Variants in RNF19A observed in about 807,000 individuals in gnomAD.
RNF19A encodes ring finger protein 19A, RBR E3 ubiquitin protein ligase.
In RNF19A, 32 loss-of-function variants were observed where a neutral mutation model predicts 75.7. The ratio of observed to expected loss-of-function variants is 0.42; its 90% confidence interval spans 0.32 to 0.57. The LOEUF (loss-of-function observed/expected upper bound fraction) is 0.57, where lower values mean the gene tolerates loss of function less well. RNF19A is among the 20% of genes least tolerant of loss of function. The pLI is 0.10. For synonymous variants in RNF19A, 335 were observed against 345.2 expected, an observed-to-expected ratio of 0.97 and a Z score of 0.33; for missense variants, 782 against 1,036.3, an observed-to-expected ratio of 0.75 and a Z score of 3.37.
At chr8:100,319,309 T>C (rs535546886) in intron 1 of RNF19A, among the ~76,000 whole-genome samples, 1 of 134,040 alleles carries the variant, frequency 7.5e-6, no homozygotes, top group Non-Finnish European at 1.7e-5. Context: ...TGAAAGTTTT[T>C]TTCTTTTTTA....
rs1221912550 is a variant in RNF19A at position 100,282,858 on chromosome 8, A to G, written c.674+4643T>C. 3.3e-5 allele frequency among the ~76,000 whole-genome samples: 5 copies of G among 152,286 alleles called. No individual in the cohort carries two copies. In the East Asian group the frequency reaches 9.6e-4, roughly 29 times the overall value. On this transcript the variant is annotated intron_variant, in intron 2 of 9. Transcript: ENST00000341084. ...ATGGCCCTATTTTTTTTAATCCATT[A>G]AGAACAATATTCTCCACCAGAGTAA...
At position 100,317,924 on chromosome 8, in the gene RNF19A, G is replaced by T. The variant is rs1006225445; in HGVS notation, c.-242-4552C>A. On this transcript the variant is annotated intron_variant, in intron 1 of 3. Transcript: ENST00000519527. The surrounding 1 kb of genome is among the most constrained non-coding windows in gnomAD (Gnocchi z 4.3). ...TAAATTACATGGTCACCCTGGTAAT[G>T]AGCCTCAATGTCAAGGCCAACTGTT... 1.3e-5 allele frequency among the ~76,000 whole-genome samples: 2 copies of T among 152,086 alleles called. No individual in the cohort carries two copies. Among genetic ancestry groups the T allele is most frequent in the African/African-American group, 4.8e-5 (2 of 41,386 alleles).
upstream of RNF19A, among the ~76,000 whole-genome samples, chr8:100,314,624 T>A (rs879367245): frequency 6.6e-6 from 1 of 152,068 alleles, no homozygotes; most frequent in Non-Finnish European, 1.5e-5. This position sits in a 1 kb window ranked among gnomAD's most constrained non-coding sequence, Gnocchi z 4.1. Context: ...CTGCTAACTT[T>A]CTTTCTCTTT....
chr8:100,316,980 G>A (rs1297109699), intron 1 of RNF19A, among the ~76,000 whole-genome samples: 1 of 152,204 alleles, frequency 6.6e-6, no homozygotes, highest in Admixed American at 6.5e-5. Flanking sequence ...TGGCACTGCT[G>A]GGGGACCCAG....
chr8:100,264,256 G>A lies in RNF19A; in HGVS notation c.1307-61C>T, dbSNP rs1819865613. 3 of 1,421,434 alleles carry A rather than the reference G, an allele frequency of 2.1e-6. No homozygotes were observed. Among genetic ancestry groups the A allele is most frequent in the South Asian group, 1.3e-5 (1 of 78,972 alleles). The allele number at this position is 1,421,434 out of a possible 1,614,324, so 88.1% of individuals were successfully genotyped here. On this transcript the variant is annotated intron_variant, in intron 6 of 9. Coordinates refer to ENST00000341084, the MANE Select transcript of RNF19A (RefSeq NM_183419.4). This position sits in a 1 kb window ranked among gnomAD's most constrained non-coding sequence, Gnocchi z 4.7. The stretch of plus-strand genomic sequence containing the variant: ...ACAACAAAATAACTCACAGAAACAT[G>A]AGTTTTAGAAAGTCTTTTCAAGAGA...
rs1819629773 is a variant in RNF19A at position 100,259,837 on chromosome 8, AAC to A, written c.1826+15_1826+16del. 1.3e-6 allele frequency: 2 copies of A among 1,594,014 alleles called. No individual in the cohort carries two copies. The highest frequency in any genetic ancestry group is 1.8e-5 in the Admixed American group (1 of 55,520). On this transcript the variant is annotated intron_variant, in intron 9 of 9. Coordinates refer to ENST00000341084, the MANE Select transcript of RNF19A (RefSeq NM_183419.4). The surrounding 1 kb of genome is among the most constrained non-coding windows in gnomAD (Gnocchi z 4.5). ...ATTTAAAAAATACTTTCAATTTTTTAACAGTTTTTTCCTTACTTGTCCAATGG... is the reference window on the plus strand; with the variant it reads ...ATTTAAAAAATACTTTCAATTTTTTAAGTTTTTTCCTTACTTGTCCAATGG...
Position 100,303,807 on chromosome 8 carries a change from A to G in RNF19A, c.-94+6060T>C, listed in dbSNP as rs777188541. 4.6e-4 allele frequency among the ~76,000 whole-genome samples: 69 copies of G among 149,536 alleles called. 1 individual carries two copies. The highest frequency in any genetic ancestry group is 4.0e-3 in the South Asian group (19 of 4,710). On this transcript the variant is annotated intron_variant, in intron 1 of 9. Transcript: ENST00000341084. The stretch of plus-strand genomic sequence containing the variant: ...AAAATGATTAGCTGGGTGTGGTGGC[A>G]GGTGCCTGTAATCCCAGCTACTGGC...
intron 2 of RNF19A, among the ~76,000 whole-genome samples, chr8:100,283,191 G>A (rs767759248): frequency 2.7e-5 from 2 of 74,158 alleles, no homozygotes; most frequent in Admixed American, 1.1e-4. Flanking sequence ...TGGGATGACA[G>A]GGATAATGTG....
rs1223331437 is a variant in RNF19A at position 100,288,270 on chromosome 8, G to GAAAAATA, written c.-93-10_-93-4dup. ...AGAAGACTGCTATCATGGATGTTCT[G>GAAAAATA]AAAAATAAAAAATAAAAAAATCAAG... On this transcript the variant is annotated splice_region_variant and splice_polypyrimidine_tract_variant and intron_variant, in intron 1 of 9. Transcript: ENST00000341084. 23 of 1,332,598 alleles carry GAAAAATA rather than the reference G, an allele frequency of 1.7e-5. 1 individual carries two copies. In the Admixed American group the frequency reaches 7.9e-4, roughly 46 times the overall value. 82.5% of individuals were successfully genotyped at this position (1,332,598 alleles called of 1,614,324 possible). A position where few individuals can be genotyped will look rare whatever the true frequency, so the allele number is the denominator to read the frequency against.
At chr8:100,263,893 T>C in intron 7 of RNF19A, 141 bp downstream of exon 7, 2 of 584,194 alleles carry the variant, frequency 3.4e-6, no homozygotes, top group Non-Finnish European at 5.7e-6. Context: ...GGCAGTTTAT[T>C]CACTTATGTA....
upstream of RNF19A, among the ~76,000 whole-genome samples, chr8:100,311,250 TAAAG>T (rs1161565151): frequency 4.6e-5 from 7 of 152,192 alleles, no homozygotes; most frequent in Non-Finnish European, 8.8e-5. Flanking sequence ...CCTCGAATCT[TAAAG>T]GAAGTAATTA....
At chr8:100,278,408 G>A (rs997185576) in intron 2 of RNF19A, among the ~76,000 whole-genome samples, 3 of 152,086 alleles carry the variant, frequency 2.0e-5, no homozygotes, top group Admixed American at 6.6e-5. Context: ...TCTTTTATAT[G>A]GTAACATTTT....
In RNF19A at chr8:100,284,252, A is replaced by T. The variant is rs914562195; in HGVS notation, c.674+3249T>A. ...CAAAATCAGGTATTTACAGCTCATA[A>T]TAAGTAAAGCTAACTTTTAATGAGG... is the stretch of plus-strand genomic sequence containing the variant. On this transcript the variant is annotated intron_variant, in intron 2 of 9. Transcript: ENST00000341084. This position sits in a 1 kb window ranked among gnomAD's most constrained non-coding sequence, Gnocchi z 4.3. Among the ~76,000 whole-genome samples, 6 of 152,180 alleles carry T rather than the reference A, an allele frequency of 3.9e-5. No homozygotes were observed. The highest frequency in any genetic ancestry group is 1.3e-4 in the Admixed American group (2 of 15,278).
At chr8:100,281,902 A>T (rs921479246) in intron 2 of RNF19A, among the ~76,000 whole-genome samples, 5 of 152,214 alleles carry the variant, frequency 3.3e-5, no homozygotes, top group African/African-American at 1.2e-4. Context: ...AAAAGGAATG[A>T]CTTACTTAAT....
At position 100,257,210 on chromosome 8, in the gene RNF19A, T is replaced by C. The variant is rs1819497644; in HGVS notation, c.*1346A>G. 6.6e-6 allele frequency: 1 copy of C among 152,588 alleles called. No individual in the cohort carries two copies. The highest frequency in any genetic ancestry group is 2.4e-5 in the African/African-American group (1 of 41,444). 9.5% of individuals were successfully genotyped at this position (152,588 alleles called of 1,614,324 possible). The stretch of plus-strand genomic sequence containing the variant: ...AGTGTTATAAGCATATTAATGGACC[T>C]GGTAGGGAAAAGTGATGGAAGAAGA... On this transcript the variant is annotated 3_prime_UTR_variant, in exon 10 of 10. Coordinates refer to ENST00000341084, the MANE Select transcript of RNF19A (RefSeq NM_183419.4).
chr8:100,304,980 G>C (rs943971165), intron 1 of RNF19A, among the ~76,000 whole-genome samples: 5 of 152,104 alleles, frequency 3.3e-5, no homozygotes, highest in African/African-American at 9.7e-5. Flanking sequence ...CTGTTGCTCA[G>C]GCTGGAGTAC....
upstream of RNF19A, among the ~76,000 whole-genome samples, chr8:100,312,734 G>A (rs2130291752): frequency 6.6e-6 from 1 of 152,094 alleles, no homozygotes; most frequent in South Asian, 2.1e-4. Context: ...TACCAGCCGG[G>A]ACAACATGAT....
At position 100,322,912 on chromosome 8, in the gene RNF19A, C is replaced by G. The variant is rs1463590698; in HGVS notation, c.-242-9540G>C. Reference sequence around the variant, plus strand: ...GGTTCATGGCACTTCAAAACAATTGCAATATTAACATCAAAGATCACTGAT... The same window carrying G: ...GGTTCATGGCACTTCAAAACAATTGGAATATTAACATCAAAGATCACTGAT... On this transcript the variant is annotated intron_variant, in intron 1 of 3. Coordinates refer to the RNF19A transcript ENST00000519527. The surrounding 1 kb of genome is among the most constrained non-coding windows in gnomAD (Gnocchi z 5.1). 6.6e-6 allele frequency among the ~76,000 whole-genome samples: 1 copy of G among 152,002 alleles called. No individual in the cohort carries two copies. The highest frequency in any genetic ancestry group is 2.4e-5 in the African/African-American group (1 of 41,370).
rs373516184 is a variant in RNF19A, at chr8:100,289,615, T to C, written c.-93-1348A>G. 2.6e-5 allele frequency among the ~76,000 whole-genome samples: 4 copies of C among 152,198 alleles called. No individual in the cohort carries two copies. In the South Asian group the frequency reaches 6.2e-4, roughly 24 times the overall value. On this transcript the variant is annotated intron_variant, in intron 1 of 9. Transcript: ENST00000341084. Reference sequence around the variant, plus strand: ...TTCAGAGACAACACACCTAATAGGATGGCTAAAATTAAAAGACTGACATTT... The same window carrying C: ...TTCAGAGACAACACACCTAATAGGACGGCTAAAATTAAAAGACTGACATTT...
Sources: allele counts gnomAD v4.1 joint callset (sites outside exome capture counted in the v4.1 genomes callset), GRCh38; gene constraint gnomAD v4.1.1; non-coding constraint Gnocchi (gnomAD v3.1); transcripts MANE v1.5; gene names NCBI Gene and HGNC (gene_info 2026-07-23, HGNC 2026-07-21).